STARD13: variants seen among roughly 807,000 people sequenced by gnomAD.
The protein encoded by STARD13 is StAR related lipid transfer domain containing 13.
Under a neutral mutation model 106.4 loss-of-function variants are expected in STARD13, and 62 were observed. That is an observed-to-expected ratio of 0.58 (90% confidence interval 0.48 to 0.72). The LOEUF is 0.72. STARD13 is among the 30% of genes least tolerant of loss of function. The probability of loss-of-function intolerance (pLI) is 0.00; values close to 1 mark genes in which losing one functional copy is unlikely to be tolerated. For missense variants in STARD13, 1,387 were observed against 1,424.0 expected, an observed-to-expected ratio of 0.97 and a Z score of 0.42; for synonymous variants, 565 against 553.0, an observed-to-expected ratio of 1.02 and a Z score of -0.31.
At chr13:33,408,470 A>T in the STARD13 span, among the ~76,000 whole-genome samples, 21 of 152,012 alleles carry the variant, frequency 1.4e-4, no homozygotes, top group Admixed American at 1.2e-3. Context: ...CATCCACATT[A>T]TAGCATGTGG....
chr13:33,195,666 A>G (rs1886561988), intron 1 of STARD13, among the ~76,000 whole-genome samples: 1 of 152,204 alleles, frequency 6.6e-6, no homozygotes, highest in Admixed American at 6.5e-5. Context: ...CTGAAAATTC[A>G]TTATTTTCTA....
the STARD13 span, among the ~76,000 whole-genome samples, chr13:33,413,236 T>C: frequency 6.6e-6 from 1 of 151,936 alleles, no homozygotes; most frequent in East Asian, 1.9e-4. Flanking sequence ...AAAAATACAA[T>C]ATATCAAAAT....
At chr13:33,204,908 C>T (rs528220520) in intron 1 of STARD13, among the ~76,000 whole-genome samples, 7 of 152,348 alleles carry the variant, frequency 4.6e-5, no homozygotes, top group African/African-American at 1.7e-4. Flanking sequence ...GACTAGACAG[C>T]CTGCTAATGC....
At chr13:33,497,838 A>G in the STARD13 span, among the ~76,000 whole-genome samples, 1 of 152,046 alleles carries the variant, frequency 6.6e-6, no homozygotes, top group African/African-American at 2.4e-5. Flanking sequence ...GGCATATACA[A>G]CCCTTGCAAC....
the STARD13 span, chr13:33,654,905 C>T: frequency 6.6e-6 from 1 of 152,264 alleles, no homozygotes; most frequent in Non-Finnish European, 1.5e-5. Flanking sequence ...TGTCTTGTCT[C>T]TCCAGTGCCT....
At chr13:33,120,274 G>A (rs1441919682) in intron 7 of STARD13, among the ~76,000 whole-genome samples, 2 of 152,228 alleles carry the variant, frequency 1.3e-5, no homozygotes, top group East Asian at 1.9e-4. Context: ...TTTGTCCACC[G>A]TGTCTTGCGG....
the STARD13 span, among the ~76,000 whole-genome samples, chr13:33,571,842 C>G: frequency 6.6e-6 from 1 of 152,070 alleles, no homozygotes; most frequent in African/African-American, 2.4e-5. Flanking sequence ...GGACCTGAAA[C>G]CATGTCTCTT....
chr13:33,271,646 G>C (rs1891167428), intron 1 of STARD13: 1 of 152,252 alleles, frequency 6.6e-6, no homozygotes, highest in Non-Finnish European at 1.5e-5. Context: ...ATTTACTTGG[G>C]AAGCAGAGTT....
chr13:33,549,236 T>G, the STARD13 span, among the ~76,000 whole-genome samples: 40,879 of 152,064 alleles, frequency 0.27, 6,747 homozygotes, highest in African/African-American at 0.45. Context: ...TATACATTCT[T>G]CCATCTTATG....
intron 3 of STARD13, chr13:33,155,715 A>T (rs1485608902): frequency 3.9e-5 from 6 of 152,202 alleles, no homozygotes; most frequent in African/African-American, 7.2e-5. Context: ...TGAACCTATT[A>T]TGTCTGTTCC....
chr13:33,579,737 A>G, the STARD13 span, among the ~76,000 whole-genome samples: 4 of 151,710 alleles, frequency 2.6e-5, no homozygotes, highest in African/African-American at 9.7e-5. Context: ...GTAAGAAAAC[A>G]ACTCAATTTA....
At chr13:33,645,377 G>GTCT in the STARD13 span, among the ~76,000 whole-genome samples, 3 of 152,288 alleles carry the variant, frequency 2.0e-5, no homozygotes, top group South Asian at 6.2e-4. Flanking sequence ...CAAGCTACCA[G>GTCT]ATGATGTGTC....
At position 33,312,837 on chromosome 13, in the gene STARD13, A is replaced by G. The variant is rs185897807; in HGVS notation, c.124+37453T>C. On this transcript the variant is annotated intron_variant, in intron 1 of 5. Transcript: ENST00000567873. ...TCTTATTCAGATCAAAGTAACAACAACATTTGTAATAATAAACAACAAAAA... is the reference window on the plus strand; with the variant it reads ...TCTTATTCAGATCAAAGTAACAACAGCATTTGTAATAATAAACAACAAAAA... Among the ~76,000 whole-genome samples the G allele has an allele frequency of 2.6e-5, 4 of 152,358 alleles. No homozygotes were observed. In the East Asian group the frequency reaches 7.7e-4, roughly 29 times the overall value.
At chr13:33,528,257 C>CATATATATATATATATATATAT in the STARD13 span, among the ~76,000 whole-genome samples, 22 of 92,892 alleles carry the variant, frequency 2.4e-4, 1 homozygote, top group African/African-American at 1.3e-3. Context: ...TATATATATA[C>CATATATATATATATATATATAT]ATATATATAT....
At chr13:33,286,887 T>C (rs1892085252), upstream of STARD13, among the ~76,000 whole-genome samples, 1 of 152,052 alleles carries the variant, frequency 6.6e-6, no homozygotes, top group East Asian at 1.9e-4. Context: ...TGTGTGTATA[T>C]ATATGTGTAT....
chr13:33,651,710 C>T, the STARD13 span, among the ~76,000 whole-genome samples: 1 of 152,212 alleles, frequency 6.6e-6, no homozygotes, highest in African/African-American at 2.4e-5. Context: ...CAGTTCCCTT[C>T]TTTAGGAATA....
At chr13:33,602,797 T>C in the STARD13 span, among the ~76,000 whole-genome samples, 1 of 152,162 alleles carries the variant, frequency 6.6e-6, no homozygotes, top group Non-Finnish European at 1.5e-5. Flanking sequence ...ACTGTGCATA[T>C]GGGAAATCTA....
intron 12 of STARD13, among the ~76,000 whole-genome samples, chr13:33,108,087 G>T (rs909541617): frequency 6.6e-6 from 1 of 152,186 alleles, no homozygotes; most frequent in South Asian, 2.1e-4. Flanking sequence ...ACTGAAAGTT[G>T]TAGAGATTTG....
chr13:33,279,541 C>T (rs1163304407), intron 1 of STARD13: 3 of 152,176 alleles, frequency 2.0e-5, no homozygotes, highest in Non-Finnish European at 2.9e-5. Flanking sequence ...AGAGTAACTC[C>T]TGGACGATTG....
Sources: gnomAD v4.1 joint callset for allele counts (sites outside exome capture counted in the v4.1 genomes callset) on GRCh38, gnomAD v4.1.1 for gene constraint, MANE v1.5 for transcripts, NCBI Gene and HGNC (gene_info 2026-07-23, HGNC 2026-07-21) for gene names.